The following TENM3 variants were observed in gnomAD, a reference collection of about 807,000 sequenced individuals.
The protein encoded by TENM3 is teneurin-3.
In TENM3, 63 loss-of-function variants were observed where a neutral mutation model predicts 255.1. The observed-to-expected ratio is 0.25, with a 90% CI of 0.20 to 0.30. The LOEUF (loss-of-function observed/expected upper bound fraction) is 0.30. Among genes scored for constraint, TENM3 ranks in the 10% least tolerant of loss-of-function variants. The pLI, the probability that TENM3 is intolerant of heterozygous loss-of-function variation, is 1.00. For synonymous variants in TENM3, 1,306 were observed against 1,322.3 expected, an observed-to-expected ratio of 0.99 and a Z score of 0.27; for missense variants, 2,929 against 3,461.1, an observed-to-expected ratio of 0.85 and a Z score of 3.86.
chr4:182,624,497 C>T (rs1335486718), intron 4 of TENM3, among the ~76,000 whole-genome samples: 1 of 152,134 alleles, frequency 6.6e-6, no homozygotes, highest in Non-Finnish European at 1.5e-5. Flanking sequence ...TTGCCACTTC[C>T]CCAGAATGCC....
At chr4:181,670,309 C>T in the TENM3 span, among the ~76,000 whole-genome samples, 7 of 152,162 alleles carry the variant, frequency 4.6e-5, no homozygotes, top group Admixed American at 6.5e-5. Context: ...AAGTAATTGC[C>T]GAGAGTGACC....
the TENM3 span, among the ~76,000 whole-genome samples, chr4:182,037,585 G>A: frequency 6.6e-6 from 1 of 152,142 alleles, no homozygotes; most frequent in African/African-American, 2.4e-5. Context: ...TTATCTGCAG[G>A]AGCGAGTTAC....
chr4:182,244,200 G>A lies in TENM3; in HGVS notation c.-76+724G>A, dbSNP rs971883378. Among the ~76,000 whole-genome samples the A allele has an allele frequency of 1.1e-4, 16 of 151,796 alleles. 1 individual carries two copies. The highest frequency in any genetic ancestry group is 8.5e-4 in the Admixed American group (13 of 15,234). On this transcript the variant is annotated intron_variant, in intron 1 of 27. Transcript: ENST00000511685. ...GATCTCCTGACCTCGTGATCCGCCC[G>A]CCTCGGCCTCCCAAAGTGCTGGGAT...
At chr4:181,844,223 CTG>C in the TENM3 span, among the ~76,000 whole-genome samples, 2 of 152,152 alleles carry the variant, frequency 1.3e-5, no homozygotes, top group African/African-American at 4.8e-5. Flanking sequence ...TCTCTCAACA[CTG>C]TTGCATTGGG....
the TENM3 span, among the ~76,000 whole-genome samples, chr4:181,523,741 T>G: frequency 1.3e-5 from 2 of 152,194 alleles, no homozygotes; most frequent in African/African-American, 4.8e-5. Flanking sequence ...ATGATGTTCT[T>G]CTCTCAAGGA....
At chr4:182,580,006 G>C (rs748939608) in intron 3 of TENM3, among the ~76,000 whole-genome samples, 2 of 152,124 alleles carry the variant, frequency 1.3e-5, no homozygotes, top group Non-Finnish European at 2.9e-5. Flanking sequence ...GTTGAGGTCC[G>C]TTGCTGCTGC....
At chr4:182,602,706 A>T (rs1193624003) in intron 4 of TENM3, among the ~76,000 whole-genome samples, 1 of 152,214 alleles carries the variant, frequency 6.6e-6, no homozygotes, top group African/African-American at 2.4e-5. Context: ...CTTAAGACAC[A>T]GTCATGTATA....
At chr4:181,825,425 A>AAC in the TENM3 span, among the ~76,000 whole-genome samples, 294 of 110,314 alleles carry the variant, frequency 2.7e-3, 33 homozygotes, top group Middle Eastern at 0.012. Context: ...AAAAAAAAAA[A>AAC]ACAGAGAATA....
chr4:182,117,829 A>T, the TENM3 span, among the ~76,000 whole-genome samples: 3 of 152,152 alleles, frequency 2.0e-5, no homozygotes, highest in Admixed American at 6.6e-5. Flanking sequence ...GCACAAAAAA[A>T]CTTACTAAGA....
At chr4:182,567,316 T>G (rs921634753) in intron 3 of TENM3, among the ~76,000 whole-genome samples, 3 of 152,146 alleles carry the variant, frequency 2.0e-5, no homozygotes, top group Non-Finnish European at 4.4e-5. Context: ...CTGCAGAGGC[T>G]TCCTGTCGGG....
At chr4:181,489,849 C>A in the TENM3 span, among the ~76,000 whole-genome samples, 1 of 152,108 alleles carries the variant, frequency 6.6e-6, no homozygotes, top group Non-Finnish European at 1.5e-5. Context: ...TATAAATTAT[C>A]CATCAGGATA....
chr4:182,604,242 T>G (rs1236615825), intron 4 of TENM3, among the ~76,000 whole-genome samples: 1 of 152,196 alleles, frequency 6.6e-6, no homozygotes, highest in African/African-American at 2.4e-5. Flanking sequence ...TGGTCTATAA[T>G]CTCCAGTGAC....
chr4:181,856,983 C>T, the TENM3 span, among the ~76,000 whole-genome samples: 14 of 152,318 alleles, frequency 9.2e-5, no homozygotes, highest in East Asian at 2.5e-3. Context: ...TTATTGACCA[C>T]ATGCTCTGTG....
At chr4:182,567,744 AT>A (rs150439706) in intron 3 of TENM3, among the ~76,000 whole-genome samples, 30,090 of 140,812 alleles carry the variant, frequency 0.21, 3,156 homozygotes, top group Middle Eastern at 0.3. Context: ...ACCCTACTCT[AT>A]TTTTTTTTTA....
chr4:181,709,684 G>A, the TENM3 span, among the ~76,000 whole-genome samples: 1 of 152,238 alleles, frequency 6.6e-6, no homozygotes, highest in South Asian at 2.1e-4. Context: ...TCTGGCTGCT[G>A]CACAGATGTG....
intron 3 of TENM3, among the ~76,000 whole-genome samples, chr4:182,457,857 G>A (rs982971496): frequency 1.3e-5 from 2 of 152,150 alleles, no homozygotes; most frequent in East Asian, 1.9e-4. Flanking sequence ...CACCACATCC[G>A]GCCTGTCTTT....
In TENM3 at chr4:182,448,135, C is replaced by G. The variant is rs74846177; in HGVS notation, c.511+101206C>G. The stretch of plus-strand genomic sequence containing the variant: ...TCAGCCCCTGGTACCGTCTTCTCTC[C>G]CCGGGTCGCGACACTGACTCGTCAA... On this transcript the variant is annotated intron_variant, in intron 3 of 27. Transcript: ENST00000511685. 9.7e-4 allele frequency among the ~76,000 whole-genome samples: 148 copies of G among 152,336 alleles called. 1 individual carries two copies. Among genetic ancestry groups the G allele is most frequent in the African/African-American group, 3.5e-3 (144 of 41,584 alleles).
At chr4:182,239,242 A>G (rs746603785), upstream of TENM3, among the ~76,000 whole-genome samples, 2 of 151,742 alleles carry the variant, frequency 1.3e-5, no homozygotes, top group Non-Finnish European at 2.9e-5. Flanking sequence ...ATATCTGCCT[A>G]ATTTTTTGTA....
At chr4:182,532,508 A>G (rs1012296604) in intron 3 of TENM3, among the ~76,000 whole-genome samples, 1 of 152,216 alleles carries the variant, frequency 6.6e-6, no homozygotes, top group Non-Finnish European at 1.5e-5. Context: ...CAGTTTTTCA[A>G]TTAAACTTTC....
Sources: allele counts gnomAD v4.1 joint callset (sites outside exome capture counted in the v4.1 genomes callset), GRCh38; gene constraint gnomAD v4.1.1; transcripts MANE v1.5; gene names NCBI Gene and HGNC (gene_info 2026-07-23, HGNC 2026-07-21).